The following ESPN variants were observed in gnomAD, a reference collection of about 807,000 sequenced individuals.
The protein encoded by ESPN is autosomal recessive deafness type 36 protein.
Under a neutral mutation model 77.7 loss-of-function variants are expected in ESPN, and 68 were observed. That is an observed-to-expected ratio of 0.87 (90% CI 0.72 to 1.07). The LOEUF (loss-of-function observed/expected upper bound fraction) is 1.07, where lower values mean the gene tolerates loss of function less well. Among genes scored for constraint, ESPN ranks in the 50% least tolerant of loss-of-function variants. The probability of loss-of-function intolerance (pLI) is 0.00; values close to 1 mark genes in which losing one functional copy is unlikely to be tolerated. For synonymous variants in ESPN, 449 were observed against 567.1 expected (o/e 0.79, Z 2.96); for missense variants, 1,060 against 1,239.0 (o/e 0.86, Z 2.17).
At chr1:6,440,003 CT>C (rs1643560505) in intron 2 of ESPN, among the ~76,000 whole-genome samples, 1 of 140,088 alleles carries the variant, frequency 7.1e-6, no homozygotes, top group African/African-American at 3.1e-5. Context: ...AGCTAGACTT[CT>C]TCTCAAAAAA....
chr1:6,438,939 G>C (rs1230027848), intron 2 of ESPN, among the ~76,000 whole-genome samples: 1 of 152,150 alleles, frequency 6.6e-6, no homozygotes, highest in Non-Finnish European at 1.5e-5. Context: ...TGGCAAAACT[G>C]GGTTTCTACT....
intron 2 of ESPN, among the ~76,000 whole-genome samples, chr1:6,438,833 C>T (rs1287081206): frequency 2.0e-5 from 3 of 152,318 alleles, no homozygotes; most frequent in South Asian, 2.1e-4. Flanking sequence ...AGTTGATGGC[C>T]GGGTGCGGTG....
intron 5 of ESPN, among the ~76,000 whole-genome samples, chr1:6,441,488 C>T (rs1569655965): frequency 1.3e-5 from 2 of 152,154 alleles, no homozygotes; most frequent in Middle Eastern, 3.2e-3. Flanking sequence ...GAGTGGAGAA[C>T]CTACCTTGAT....
At chr1:6,446,906 C>T (rs774241406) in intron 7 of ESPN, 1 of 152,254 alleles carries the variant, frequency 6.6e-6, no homozygotes, top group African/African-American at 2.4e-5. Context: ...GGGAGGGACA[C>T]CGAACCTGCA....
chr1:6,453,288 T>A (rs553197658), intron 10 of ESPN, among the ~76,000 whole-genome samples: 1 of 152,320 alleles, frequency 6.6e-6, no homozygotes, highest in Admixed American at 6.5e-5. Context: ...TGCGGACATG[T>A]GTGCGAGTCA....
rs1177215816 is a variant in ESPN, at chr1:6,428,664, C to T, written c.488+245C>T. Among the ~76,000 whole-genome samples, 2 of 152,188 alleles carry T rather than the reference C, an allele frequency of 1.3e-5. No homozygotes were observed. The highest frequency in any genetic ancestry group is 2.9e-5 in the Non-Finnish European group (2 of 68,014). On this transcript the variant is annotated intron_variant, in intron 2 of 12. Coordinates refer to ENST00000645284, the MANE Select transcript of ESPN (RefSeq NM_031475.3). This position sits in a 1 kb window ranked among gnomAD's most constrained non-coding sequence, Gnocchi z 5.4. Reference sequence around the variant, plus strand: ...GGTGCTCCCAGCATCCTCAGCTGCCCGGCCGCACACAGCTGGACCTGGGAG... The same window carrying T: ...GGTGCTCCCAGCATCCTCAGCTGCCTGGCCGCACACAGCTGGACCTGGGAG...
intron 2 of ESPN, among the ~76,000 whole-genome samples, chr1:6,433,566 C>T (rs1643328769): frequency 6.6e-6 from 1 of 150,982 alleles, no homozygotes; most frequent in African/African-American, 2.4e-5. Flanking sequence ...AAGATTGTGC[C>T]ACTGCATTCC....
chr1:6,459,914 C>T, intron 12 of ESPN, 85 bp from the exon 13 acceptor site: 1 of 1,570,316 alleles, frequency 6.4e-7, no homozygotes, highest in Non-Finnish European at 8.7e-7. Flanking sequence ...CTGGCCTCTG[C>T]CTGGTGCCTG....
Position 6,445,725 on chromosome 1 carries a change from G to A in ESPN, c.1254G>A (p.Leu418=). 1 of 1,611,432 alleles carries A rather than the reference G, an allele frequency of 6.2e-7. No homozygotes were observed. Among genetic ancestry groups the A allele is most frequent in the Non-Finnish European group, 8.5e-7 (1 of 1,179,610 alleles). ...ACATGGACATGCTGAACCCGGAGCT[G>A]GGCCTGCCTCGGGGCACGATTGGGA... The part of the protein sequence containing the change: ...QSYMDMLNPE[L]GLPRGTIGKP... Residue 418 remains leucine, a synonymous_variant, in exon 7 of 13, where the codon CTG becomes CTA. Coordinates refer to ENST00000645284, the MANE Select transcript of ESPN (RefSeq NM_031475.3).
At chr1:6,426,720 G>A (rs1643049726) in intron 1 of ESPN, among the ~76,000 whole-genome samples, 1 of 152,102 alleles carries the variant, frequency 6.6e-6, no homozygotes, top group South Asian at 2.1e-4. Flanking sequence ...CAATAGGAAG[G>A]GAGCGCCTTT....
chr1:6,451,768 G>T lies in ESPN; in HGVS notation c.2061+20G>T. 2 of 1,610,932 alleles carry T rather than the reference G, an allele frequency of 1.2e-6. No individual in the cohort carries two copies. The highest frequency in any genetic ancestry group is 2.2e-5 in the East Asian group (1 of 44,822). On this transcript the variant is annotated intron_variant, in intron 9 of 12. Transcript: ENST00000645284. This position sits in a 1 kb window ranked among gnomAD's most constrained non-coding sequence, Gnocchi z 4.3. ...TTCCAGGTAGGCGGGCCCAGCAGGA[G>T]CCTGCGACCCGGCTTCCCTGGCCCT...
At chr1:6,425,509 G>A (rs940996354) in intron 1 of ESPN, among the ~76,000 whole-genome samples, 28 of 152,350 alleles carry the variant, frequency 1.8e-4, no homozygotes, top group Admixed American at 3.3e-4. Context: ...GCCTCCGTGG[G>A]GCTTGTGGTT....
At chr1:6,449,409 C>T (rs1643907977) in intron 8 of ESPN, among the ~76,000 whole-genome samples, 1 of 152,218 alleles carries the variant, frequency 6.6e-6, no homozygotes, top group Admixed American at 6.5e-5. Flanking sequence ...TAGAAAGGGC[C>T]TCCCAGCTCT....
intron 10 of ESPN, among the ~76,000 whole-genome samples, chr1:6,453,245 T>C (rs1643985619): frequency 6.6e-6 from 1 of 152,224 alleles, no homozygotes. Context: ...TGGAGATTCA[T>C]GGTGAACATA....
In ESPN at chr1:6,460,818, C is replaced by T. The variant is rs1644149645; in HGVS notation, c.*672C>T. ...TCGCTGCCGGGACCCTTTCACTGCC[C>T]CGGTGGAGTGAATAGAGGATGAGGG... On this transcript the variant is annotated 3_prime_UTR_variant, in exon 13 of 13. Transcript: ENST00000645284. 4.5e-6 allele frequency: 1 copy of T among 222,834 alleles called. No individual in the cohort carries two copies. The highest frequency in any genetic ancestry group is 9.1e-6 in the Non-Finnish European group (1 of 110,444). 13.8% of individuals were successfully genotyped at this position (222,834 alleles called of 1,614,324 possible).
chr1:6,430,227 CGTT>C (rs1643191584), intron 2 of ESPN, among the ~76,000 whole-genome samples: 2 of 152,200 alleles, frequency 1.3e-5, no homozygotes, highest in South Asian at 2.1e-4. Flanking sequence ...TGCTGTGAAT[CGTT>C]GTGAATTATT....
chr1:6,460,831 T>C lies in ESPN; in HGVS notation c.*685T>C. 1 of 251,364 alleles carries C rather than the reference T, an allele frequency of 4.0e-6. No individual in the cohort carries two copies. The highest frequency in any genetic ancestry group is 4.4e-5 in the South Asian group (1 of 22,812). The allele number at this position is 251,364 out of a possible 1,614,324, so 15.6% of individuals were successfully genotyped here. A position where few individuals can be genotyped will look rare whatever the true frequency, so the allele number is the denominator to read the frequency against. Reference sequence around the variant, plus strand: ...CCTTTCACTGCCCCGGTGGAGTGAATAGAGGATGAGGGGCCCTGACCCTGT... The same window carrying C: ...CCTTTCACTGCCCCGGTGGAGTGAACAGAGGATGAGGGGCCCTGACCCTGT... On this transcript the variant is annotated 3_prime_UTR_variant, in exon 13 of 13. Coordinates refer to ENST00000645284, the MANE Select transcript of ESPN (RefSeq NM_031475.3).
chr1:6,455,694 G>C, intron 10 of ESPN: 1 of 399,146 alleles, frequency 2.5e-6, no homozygotes, highest in Non-Finnish European at 4.4e-6. Context: ...GAGCCGCGAG[G>C]AGCGCAAGTT....
At chr1:6,456,437 C>G (rs1644059439) in intron 10 of ESPN, 4 of 319,318 alleles carry the variant, frequency 1.3e-5, no homozygotes, top group Non-Finnish European at 2.3e-5. Context: ...CCTCTGGCCC[C>G]GTGGCCTTGC....
Sources: gnomAD v4.1 joint callset for allele counts (sites outside exome capture counted in the v4.1 genomes callset) on GRCh38, gnomAD v4.1.1 for gene constraint, Gnocchi (gnomAD v3.1) non-coding constraint, MANE v1.5 for transcripts, NCBI Gene and HGNC (gene_info 2026-07-23, HGNC 2026-07-21) for gene names.